Variants in SLC46A1 observed in about 807,000 individuals in gnomAD.
SLC46A1 encodes the protein solute carrier family 46 member 1.
A neutral mutation model predicts 32.1 loss-of-function variants in SLC46A1; 17 were observed. The ratio of observed to expected loss-of-function variants is 0.53; its 90% confidence interval spans 0.36 to 0.79. SLC46A1 has a LOEUF of 0.79. SLC46A1 is among the 30% of genes least tolerant of loss of function. The pLI is 0.00. For synonymous variants in SLC46A1, 240 were observed against 262.7 expected, an observed-to-expected ratio of 0.91 and a Z score of 0.84; for missense variants, 517 against 588.2, an observed-to-expected ratio of 0.88 and a Z score of 1.25.
At position 28,400,774 on chromosome 17, in the gene SLC46A1, G is replaced by T. The variant is rs990951647; in HGVS notation, c.1166-8C>A. On this transcript the variant is annotated splice_region_variant and splice_polypyrimidine_tract_variant and intron_variant, in intron 3 of 4. Transcript: ENST00000612814. ...CAGCAGAAAAGAGAGCACCTGTGAA[G>T]AAATAAATACCATACTCTGGAGTCC... is the stretch of plus-strand genomic sequence containing the variant. 1 of 1,557,692 alleles carries T rather than the reference G, an allele frequency of 6.4e-7. No individual in the cohort carries two copies. Among genetic ancestry groups the T allele is most frequent in the African/African-American group, 1.4e-5 (1 of 73,470 alleles).
At position 28,405,210 on chromosome 17, in the gene SLC46A1, C is replaced by T. The variant is rs782701765; in HGVS notation, c.487G>A (p.Ala163Thr). 6.2e-6 allele frequency: 10 copies of T among 1,600,434 alleles called. No individual in the cohort carries two copies. The South Asian group carries it at 6.7e-5, about 11-fold the overall frequency. The change falls in exon 2 of 5, where the codon GCT becomes ACT. Residue 163 changes from alanine (A) to threonine (T), a missense_variant. Transcript: ENST00000612814. Reference protein sequence around the residue: ...LLGDFGGLLAASFASVADVSS... With the variant: ...LLGDFGGLLATSFASVADVSS... ...ACATCTGCCACGGACGCAAAGCTAG[C>T]AGCCAGAAGGCCACCGAAGTCGCCG... is the stretch of plus-strand genomic sequence containing the variant.
chr17:28,405,617 T>A, intron 1 of SLC46A1, 149 bp from the exon 2 acceptor site: 1 of 1,245,454 alleles, frequency 8.0e-7, no homozygotes, highest in Non-Finnish European at 1.1e-6. Flanking sequence ...AATCTGCCAG[T>A]GGAGAGGGGG....
rs782296930 is a variant in SLC46A1 at position 28,405,130 on chromosome 17, C to T, written c.567G>A (p.Gly189=). The change falls in exon 2 of 5, where the codon GGG becomes GGA. Residue 189 remains glycine, a synonymous_variant. Transcript: ENST00000612814. The part of the protein sequence containing the change: ...FRMALLEASI[G]VAGMLASLLG... ...GGAGGCTTGCCAGCATCCCAGCCAC[C>T]CCGATGCTGGCTTCCAGCAGGGCCA... The T allele has an allele frequency of 4.3e-6, 7 of 1,612,674 alleles. No individual in the cohort carries two copies. The highest frequency in any genetic ancestry group is 3.3e-5 in the South Asian group (3 of 91,068).
At position 28,399,483 on chromosome 17, in the gene SLC46A1, TC is replaced by T; in HGVS notation, c.*172del. 1.6e-6 allele frequency: 1 copy of T among 636,196 alleles called. No homozygotes were observed. The highest frequency in any genetic ancestry group is 2.8e-6 in the Non-Finnish European group (1 of 361,098). 39.4% of individuals were successfully genotyped at this position (636,196 alleles called of 1,614,324 possible). ...TTCTAGATCCTAGACAGAGGCTGGG[TC>T]AGCTGTGGATGGGGTGGTGCCTTGG... On this transcript the variant is annotated 3_prime_UTR_variant, in exon 5 of 5. Coordinates refer to ENST00000612814, the MANE Select transcript of SLC46A1 (RefSeq NM_080669.6).
rs1223933601 is a variant in SLC46A1, at chr17:28,395,361, GCCTTCTACCACCTTCCCAGCA to G, written c.*4274_*4294del. Reference sequence around the variant, plus strand: ...TGGAGGGTGGAGGTGTGGATGCCATGCCTTCTACCACCTTCCCAGCACCTACACCTGTTTATCAACCTGGAG... The same window carrying G: ...TGGAGGGTGGAGGTGTGGATGCCATGCCTACACCTGTTTATCAACCTGGAG... On this transcript the variant is annotated 3_prime_UTR_variant, in exon 5 of 5. Coordinates refer to ENST00000612814, the MANE Select transcript of SLC46A1 (RefSeq NM_080669.6). The G allele has an allele frequency of 1.1e-4, 17 of 153,968 alleles. No homozygotes were observed. The highest frequency in any genetic ancestry group is 3.4e-4 in the African/African-American group (14 of 41,450). 9.5% of individuals were successfully genotyped at this position (153,968 alleles called of 1,614,324 possible). A position where few individuals can be genotyped will look rare whatever the true frequency, so the allele number is the denominator to read the frequency against.
intron 3 of SLC46A1, chr17:28,401,173 C>A: frequency 4.2e-6 from 1 of 240,494 alleles, no homozygotes; most frequent in Middle Eastern, 1.8e-3. Flanking sequence ...AGCGGTGTCA[C>A]CACTGAATAG....
chr17:28,399,566 C>G lies in SLC46A1; in HGVS notation c.*90G>C. 7.3e-7 allele frequency: 1 copy of G among 1,373,882 alleles called. No individual in the cohort carries two copies. The highest frequency in any genetic ancestry group is 1.0e-6 in the Non-Finnish European group (1 of 969,612). The allele number at this position is 1,373,882 out of a possible 1,614,324, so 85.1% of individuals were successfully genotyped here. A position where few individuals can be genotyped will look rare whatever the true frequency, so the allele number is the denominator to read the frequency against. On this transcript the variant is annotated 3_prime_UTR_variant, in exon 5 of 5. Transcript: ENST00000612814. ...CTGCCCTTAGACAAGAGTTGCTTGT[C>G]CTGCTGTGGGCTGGGCTTCCAGCTG...
rs1418365655 is a variant in SLC46A1 at position 28,394,730 on chromosome 17, A to G, written c.*4926T>C. 6.6e-6 allele frequency: 1 copy of G among 152,258 alleles called. No individual in the cohort carries two copies. The highest frequency in any genetic ancestry group is 2.4e-5 in the African/African-American group (1 of 41,464). 9.4% of individuals were successfully genotyped at this position (152,258 alleles called of 1,614,324 possible). On this transcript the variant is annotated 3_prime_UTR_variant, in exon 5 of 5. Coordinates refer to ENST00000612814, the MANE Select transcript of SLC46A1 (RefSeq NM_080669.6). ...CTAAGTATAGAGTTTCTTTGAGTGC[A>G]AAGTTTGAGAATAGCCACCCAGTAA...
At chr17:28,403,344 T>C (rs1315276748) in intron 2 of SLC46A1, 2 of 152,332 alleles carry the variant, frequency 1.3e-5, no homozygotes, top group Admixed American at 1.3e-4. Context: ...CCTTTTCCCT[T>C]TGCATTCAGT....
At chr17:28,405,520 C>T in intron 1 of SLC46A1, 52 bp from the exon 2 acceptor site, 7 of 1,575,072 alleles carry the variant, frequency 4.4e-6, no homozygotes, top group Non-Finnish European at 6.0e-6. Context: ...GTTCCACAAT[C>T]CCCAAATCCT....
In SLC46A1 at chr17:28,405,087, G is replaced by A. The variant is rs1422953742; in HGVS notation, c.610C>T (p.Arg204Trp). The A allele has an allele frequency of 4.3e-6, 7 of 1,613,784 alleles. No homozygotes were observed. The Admixed American group carries it at 5.0e-5, about 12-fold the overall frequency. Residue 204 changes from arginine to tryptophan, a missense_variant, in exon 2 of 5, where the codon CGG (arginine) becomes TGG (tryptophan). Physicochemically the swap from Arg to Trp is moderately radical, Grantham distance 101 (BLOSUM62 -3). Transcript: ENST00000612814. The stretch of plus-strand genomic sequence containing the variant: ...AAGGGGTTGGCATAACCCTGGGCCC[G>A]GAGCCAGTGGCCCCCGAGGAGGCTT... ...LASLLGGHWL[R>W]AQGYANPFWL... is the part of the protein sequence containing the mutation.
At position 28,395,871 on chromosome 17, in the gene SLC46A1, A is replaced by G. The variant is rs117451747; in HGVS notation, c.*3785T>C. 41,623 of 1,611,482 alleles carry G rather than the reference A, an allele frequency of 0.026. 654 individuals carry two copies. The highest frequency in any genetic ancestry group is 0.031 in the Non-Finnish European group (36,961 of 1,179,688). Reference sequence around the variant, plus strand: ...GCTACAAGGGTCCCTAGATGGGTACAGGGGTATCTTCCTCCTTTCCTTTCT... The same window carrying G: ...GCTACAAGGGTCCCTAGATGGGTACGGGGGTATCTTCCTCCTTTCCTTTCT... On this transcript the variant is annotated 3_prime_UTR_variant, in exon 5 of 5. Coordinates refer to ENST00000612814, the MANE Select transcript of SLC46A1 (RefSeq NM_080669.6).
rs1248494190 is a variant in SLC46A1 at position 28,397,678 on chromosome 17, A to G, written c.*1978T>C. ...TTCAAAGAATCTAGCAGCGGGGGAT[A>G]GGATTTTGCAACAAAAAGCTGACCC... On this transcript the variant is annotated 3_prime_UTR_variant, in exon 5 of 5. Transcript: ENST00000612814. The G allele has an allele frequency of 6.6e-6, 1 of 152,224 alleles. No homozygotes were observed. Among genetic ancestry groups the G allele is most frequent in the East Asian group, 1.9e-4 (1 of 5,196 alleles). The allele number at this position is 152,224 out of a possible 1,614,324, so 9.4% of individuals were successfully genotyped here. A position where few individuals can be genotyped will look rare whatever the true frequency, so the allele number is the denominator to read the frequency against.
In SLC46A1 at chr17:28,405,967, G is replaced by T. The variant is rs1283377026; in HGVS notation, c.148C>A (p.Arg50Ser). 2 of 1,611,654 alleles carry T rather than the reference G, an allele frequency of 1.2e-6. No homozygotes were observed. The highest frequency in any genetic ancestry group is 1.7e-6 in the Non-Finnish European group (2 of 1,179,316). Residue 50 changes from arginine to serine, a missense_variant, in exon 1 of 5, where the codon CGC becomes AGC. Physicochemically the swap from Arg to Ser is moderately radical, Grantham distance 110. Transcript: ENST00000612814. ...TTGTAGCCGAGGTCGGCGCTGAAGC[G>T]GTGCCACAGATACTGCGTGGTGAGC... The part of the protein sequence containing the change: ...GPLTTQYLWH[R>S]FSADLGYNGT...
In SLC46A1 at chr17:28,395,493, G is replaced by A. The variant is rs2142442011; in HGVS notation, c.*4163C>T. 1.7e-5 allele frequency: 3 copies of A among 175,326 alleles called. 1 individual carries two copies. The Middle Eastern group carries it at 8.2e-3, about 479-fold the overall frequency. The allele number at this position is 175,326 out of a possible 1,614,324, so 10.9% of individuals were successfully genotyped here. A position where few individuals can be genotyped will look rare whatever the true frequency, so the allele number is the denominator to read the frequency against. ...ATTAAATCATTGGCCATTGGTGATT[G>A]AACTCAATCTCCAGCACCTCTCTGG... On this transcript the variant is annotated 3_prime_UTR_variant, in exon 5 of 5. Transcript: ENST00000612814.
intron 2 of SLC46A1, 66 bp from the exon 3 acceptor site, chr17:28,402,387 G>A (rs2068208276): frequency 2.2e-6 from 3 of 1,378,844 alleles, no homozygotes; most frequent in Non-Finnish European, 3.1e-6. Context: ...GGGAAAGGCA[G>A]CAGAGCTCCT....
rs35257694 is a variant in SLC46A1, at chr17:28,404,707, G to A, written c.990C>T (p.Ala330=). The A allele has an allele frequency of 5.0e-5, 81 of 1,613,834 alleles. No homozygotes were observed. Among genetic ancestry groups the A allele is most frequent in the Non-Finnish European group, 5.6e-5 (66 of 1,179,868 alleles). ...LALKLLQYCL[A]DAWVAEIGLA... ...GGCCGATCTCAGCTACCCAGGCATC[G>A]GCCAGGCAGTACTGCAGGAGCTTCA... The change falls in exon 2 of 5, where the codon GCC becomes GCT. Residue 330 remains alanine (A), a synonymous_variant. Transcript: ENST00000612814.
chr17:28,402,094 C>T (rs782506611), intron 3 of SLC46A1, 144 bp downstream of exon 3: 30 of 664,088 alleles, frequency 4.5e-5, no homozygotes, highest in Non-Finnish European at 7.3e-5. Context: ...GGCAATTTCA[C>T]AGAAATGTGT....
chr17:28,395,883 CTCCTT>C lies in SLC46A1; in HGVS notation c.*3768_*3772del. 1.2e-6 allele frequency: 2 copies of C among 1,612,830 alleles called. No individual in the cohort carries two copies. Among genetic ancestry groups the C allele is most frequent in the Non-Finnish European group, 1.7e-6 (2 of 1,179,854 alleles). On this transcript the variant is annotated 3_prime_UTR_variant, in exon 5 of 5. Transcript: ENST00000612814. ...CCTAGATGGGTACAGGGGTATCTTC[CTCCTT>C]TCCTTTCTTTCTCCAGGAGATTGTG...
Sources: allele counts gnomAD v4.1 joint callset, GRCh38; gene constraint gnomAD v4.1.1; transcripts MANE v1.5; gene names NCBI Gene and HGNC (gene_info 2026-07-23, HGNC 2026-07-21).